Variants in PRKCI observed in about 807,000 individuals in gnomAD.
PRKCI encodes the protein protein kinase C iota type.
Under a neutral mutation model 84.0 loss-of-function variants are expected in PRKCI, and 43 were observed. That is an observed-to-expected ratio of 0.51 (90% CI 0.40 to 0.66). PRKCI has a LOEUF of 0.66. PRKCI is among the 30% of genes least tolerant of loss of function. The pLI is 0.00. For synonymous variants in PRKCI, 216 were observed against 234.4 expected (o/e 0.92, Z 0.72); for missense variants, 459 against 745.6 (o/e 0.62, Z 4.48).
chr3:170,288,490 T>C (rs945661569), intron 12 of PRKCI, among the ~76,000 whole-genome samples: 1 of 152,160 alleles, frequency 6.6e-6, no homozygotes. Context: ...GGCTCACGCC[T>C]ATAATTCCAG....
intron 1 of PRKCI, among the ~76,000 whole-genome samples, chr3:170,230,577 G>A (rs1290250404): frequency 6.6e-6 from 1 of 152,210 alleles, no homozygotes; most frequent in Admixed American, 6.5e-5. Flanking sequence ...TGATTCACCC[G>A]CTGTGGCCTC....
chr3:170,270,961 G>T (rs1733987227), intron 6 of PRKCI, among the ~76,000 whole-genome samples: 1 of 152,050 alleles, frequency 6.6e-6, no homozygotes, highest in South Asian at 2.1e-4. Context: ...TATTTAAACT[G>T]TGAGATTACT....
In PRKCI at chr3:170,246,022, AT is replaced by A. The variant is rs1733275463; in HGVS notation, c.223+10672del. On this transcript the variant is annotated intron_variant, in intron 2 of 17. Transcript: ENST00000295797. ...CAGGCTGGAATGCAGTGGTGTGATC[AT>A]GGCTCACTGCAGCCTACCTCTCAGG... 6.8e-5 allele frequency among the ~76,000 whole-genome samples: 9 copies of A among 133,104 alleles called. 1 individual carries two copies. In the South Asian group the frequency reaches 6.9e-4, roughly 10 times the overall value. 87.3% of individuals were successfully genotyped at this position (133,104 alleles called of 152,430 possible).
chr3:170,223,788 A>G (rs1732558605), intron 1 of PRKCI, among the ~76,000 whole-genome samples: 1 of 152,166 alleles, frequency 6.6e-6, no homozygotes, highest in Non-Finnish European at 1.5e-5. Flanking sequence ...TGCTAGGTTG[A>G]AATTTTAATG....
intron 2 of PRKCI, among the ~76,000 whole-genome samples, chr3:170,259,408 A>G (rs907308382): frequency 2.6e-5 from 4 of 152,160 alleles, no homozygotes; most frequent in Non-Finnish European, 4.4e-5. Context: ...TTTTATATCT[A>G]TATACATTGG....
chr3:170,286,436 A>G (rs149384763), intron 12 of PRKCI, among the ~76,000 whole-genome samples: 2,699 of 148,684 alleles, frequency 0.018, 45 homozygotes, highest in Middle Eastern at 0.054. Flanking sequence ...AACAAAAAAC[A>G]TGGAGAGTAT....
chr3:170,270,346 T>C (rs112978608), intron 5 of PRKCI, 75 bp from the exon 6 acceptor site: 3 of 1,393,644 alleles, frequency 2.2e-6, no homozygotes, highest in East Asian at 2.4e-5. Context: ...ACAAAGGGAA[T>C]TGAGTCAGCA....
chr3:170,257,818 C>T (rs1015537134), intron 2 of PRKCI, among the ~76,000 whole-genome samples: 5 of 151,970 alleles, frequency 3.3e-5, no homozygotes, highest in African/African-American at 1.2e-4. Context: ...GCACGTGCCA[C>T]CACGCCCAGC....
rs775902954 is a variant in PRKCI at position 170,281,983 on chromosome 3, A to T, written c.1067+15A>T. 6.2e-7 allele frequency: 1 copy of T among 1,609,840 alleles called. No individual in the cohort carries two copies. Among genetic ancestry groups the T allele is most frequent in the Non-Finnish European group, 8.5e-7 (1 of 1,178,216 alleles). On this transcript the variant is annotated intron_variant, in intron 11 of 17. Transcript: ENST00000295797. ...GAACATGCCAGGTGAGTTTTTGTTT[A>T]CTGTTTGTGTTGTTTTCTTTTTGGG...
intron 2 of PRKCI, among the ~76,000 whole-genome samples, chr3:170,236,184 C>T (rs994635823): frequency 2.0e-5 from 3 of 151,830 alleles, no homozygotes; most frequent in African/African-American, 7.3e-5. Flanking sequence ...TCACTGTAAC[C>T]TCCGCCTCCA....
chr3:170,235,065 CT>C (rs891949885), intron 1 of PRKCI, among the ~76,000 whole-genome samples, 164 bp from the exon 2 acceptor site: 9 of 152,046 alleles, frequency 5.9e-5, no homozygotes, highest in African/African-American at 1.9e-4. Flanking sequence ...CCGTGCCCAG[CT>C]TGATATTTTA....
chr3:170,299,821 G>A (rs75313056), intron 17 of PRKCI, among the ~76,000 whole-genome samples: 9,082 of 152,220 alleles, frequency 0.06, 358 homozygotes, highest in Non-Finnish European at 0.089. Context: ...CATTTGACAA[G>A]GACTGTCTTT....
chr3:170,261,493 A>C (rs1705593), intron 3 of PRKCI, among the ~76,000 whole-genome samples: 103,816 of 147,532 alleles, frequency 0.7, 37,322 homozygotes, highest in African/African-American at 0.89. Flanking sequence ...TTGATTTTAT[A>C]TTTTATTTGA....
At chr3:170,268,073 G>T in intron 5 of PRKCI, 73 bp downstream of exon 5, 1 of 1,244,440 alleles carries the variant, frequency 8.0e-7, no homozygotes, top group Non-Finnish European at 1.2e-6. Context: ...AAGAAAGGTA[G>T]TTTGTTATTA....
chr3:170,305,381 A>C lies in PRKCI; in HGVS notation c.*2254A>C, dbSNP rs189382403. ...TGATAAAACATTTTGAGAAGGGGTA[A>C]GCAGTGAGTTATTACCCACAATTTA... On this transcript the variant is annotated 3_prime_UTR_variant, in exon 18 of 18. Coordinates refer to ENST00000295797, the MANE Select transcript of PRKCI (RefSeq NM_002740.6). The C allele has an allele frequency of 2.5e-4, 38 of 152,766 alleles. No individual in the cohort carries two copies. The highest frequency in any genetic ancestry group is 8.7e-4 in the African/African-American group (36 of 41,580). 9.5% of individuals were successfully genotyped at this position (152,766 alleles called of 1,614,324 possible).
At chr3:170,226,064 C>G (rs978349735) in intron 1 of PRKCI, among the ~76,000 whole-genome samples, 4 of 152,048 alleles carry the variant, frequency 2.6e-5, no homozygotes, top group Admixed American at 6.6e-5. Flanking sequence ...AGGCGCCCAC[C>G]ACCACGCCCA....
Position 170,288,118 on chromosome 3 carries a change from C to T in PRKCI, c.1203+3522C>T, listed in dbSNP as rs539479188. Among the ~76,000 whole-genome samples the T allele has an allele frequency of 1.5e-3, 222 of 151,432 alleles. 2 individuals carry two copies. The highest frequency in any genetic ancestry group is 4.5e-3 in the African/African-American group (185 of 41,308). On this transcript the variant is annotated intron_variant, in intron 12 of 17. Transcript: ENST00000295797. The stretch of plus-strand genomic sequence containing the variant: ...AAAATTAGCCAGGCGTGGTGGCGGA[C>T]GCCTGTAGTCCCAGCTACTCGGGAG...
chr3:170,254,096 C>CAA (rs139535233), intron 2 of PRKCI, among the ~76,000 whole-genome samples: 1,478 of 137,252 alleles, frequency 0.011, 22 homozygotes, highest in African/African-American at 0.037. Flanking sequence ...GATCCGTTTC[C>CAA]AAAAAAAAAA....
At chr3:170,265,290 T>C (rs972554065) in intron 4 of PRKCI, among the ~76,000 whole-genome samples, 2 of 152,218 alleles carry the variant, frequency 1.3e-5, no homozygotes, top group East Asian at 3.8e-4. Flanking sequence ...CAGGTGATTC[T>C]GATGCACACT....
Sources: allele counts gnomAD v4.1 joint callset (sites outside exome capture counted in the v4.1 genomes callset), GRCh38; gene constraint gnomAD v4.1.1; transcripts MANE v1.5; gene names NCBI Gene and HGNC (gene_info 2026-07-23, HGNC 2026-07-21).